RGS20: variants seen among roughly 807,000 people sequenced by gnomAD.
RGS20 encodes the protein gz-selective GTPase-activating protein.
A neutral mutation model predicts 33.6 loss-of-function variants in RGS20; 30 were observed. That is an observed-to-expected ratio of 0.89 (90% CI 0.67 to 1.21). The LOEUF (loss-of-function observed/expected upper bound fraction) is 1.21, where lower values mean the gene tolerates loss of function less well. Among genes scored for constraint, RGS20 ranks in the 50% most tolerant of loss-of-function variants. RGS20 has a pLI of 0.00. For synonymous variants in RGS20, 208 were observed against 197.9 expected (o/e 1.05, Z -0.43); for missense variants, 472 against 502.4 (o/e 0.94, Z 0.58).
rs779017879 is a variant in RGS20, at chr8:53,958,350, A to G, written c.1059A>G (p.Gln353=). 1.9e-6 allele frequency: 3 copies of G among 1,613,846 alleles called. No homozygotes were observed. Among genetic ancestry groups the G allele is most frequent in the Non-Finnish European group, 2.5e-6 (3 of 1,179,838 alleles). Residue 353 remains glutamine, a synonymous_variant, in exon 6 of 6, where the codon CAA becomes CAG. Coordinates refer to ENST00000297313, the MANE Select transcript of RGS20 (RefSeq NM_170587.4). ...CCCAACACATATTCGATGATGCTCA[A>G]CTTCAGATTTACACCCTGATGCACA... is the stretch of plus-strand genomic sequence containing the variant.
intron 2 of RGS20, among the ~76,000 whole-genome samples, chr8:53,894,765 G>A (rs1812808146): frequency 6.6e-6 from 1 of 152,072 alleles, no homozygotes; most frequent in Non-Finnish European, 1.5e-5. Flanking sequence ...TTAATAAATG[G>A]GATCTCAAAA....
At chr8:53,891,818 T>TTA in intron 2 of RGS20, among the ~76,000 whole-genome samples, 1 of 151,076 alleles carries the variant, frequency 6.6e-6, no homozygotes. Flanking sequence ...AAGAAGTATG[T>TTA]TATAATTTTT....
At chr8:53,902,515 G>T (rs1813058684) in intron 2 of RGS20, among the ~76,000 whole-genome samples, 1 of 152,104 alleles carries the variant, frequency 6.6e-6, no homozygotes, top group East Asian at 1.9e-4. Context: ...GGAGAGTTCT[G>T]GTTGCTCTCT....
At position 53,946,541 on chromosome 8, in the gene RGS20, T is replaced by A. The variant is rs768917290; in HGVS notation, c.660-124T>A. ...GGAAAACTAACTGGGGTCATTTTTT[T>A]TTCCAAGTAGAGGAAGAAATTCTAT... On this transcript the variant is annotated intron_variant, in intron 3 of 5. Transcript: ENST00000297313. 3.5e-6 allele frequency: 3 copies of A among 859,388 alleles called. No individual in the cohort carries two copies. In the Middle Eastern group the frequency reaches 7.1e-4, roughly 203 times the overall value. 53.2% of individuals were successfully genotyped at this position (859,388 alleles called of 1,614,324 possible).
chr8:53,868,898 A>G (rs1563344728), intron 1 of RGS20, among the ~76,000 whole-genome samples: 1 of 152,086 alleles, frequency 6.6e-6, no homozygotes, highest in Non-Finnish European at 1.5e-5. Context: ...GATTACAGGT[A>G]CGCACCACCA....
chr8:53,873,770 GA>G (rs1036123625), intron 1 of RGS20, among the ~76,000 whole-genome samples: 12 of 152,020 alleles, frequency 7.9e-5, no homozygotes, highest in Admixed American at 2.6e-4. Flanking sequence ...AAGTGCTATA[GA>G]AAAAAAACTG....
chr8:53,877,658 A>C lies in RGS20; in HGVS notation c.166-1600A>C, dbSNP rs969268434. Among the ~76,000 whole-genome samples the C allele has an allele frequency of 6.6e-6, 1 of 152,248 alleles. No individual in the cohort carries two copies. Among genetic ancestry groups the C allele is most frequent in the Non-Finnish European group, 1.5e-5 (1 of 68,042 alleles). On this transcript the variant is annotated intron_variant, in intron 1 of 5. Transcript: ENST00000297313. The surrounding 1 kb of genome is among the most constrained non-coding windows in gnomAD (Gnocchi z 5.7). ...TTGCCAGAGAGCGGGGGAGGGGAGCAGCTGAACGAGGAGAATGAAAATACT... is the reference window on the plus strand; with the variant it reads ...TTGCCAGAGAGCGGGGGAGGGGAGCCGCTGAACGAGGAGAATGAAAATACT...
chr8:53,941,973 C>T (rs1319576070), intron 3 of RGS20, among the ~76,000 whole-genome samples: 1 of 151,956 alleles, frequency 6.6e-6, no homozygotes, highest in Non-Finnish European at 1.5e-5. Flanking sequence ...AAATCAATTC[C>T]CACCTTAAAA....
intron 2 of RGS20, among the ~76,000 whole-genome samples, chr8:53,916,772 T>C (rs973246606): frequency 6.6e-6 from 1 of 152,136 alleles, no homozygotes; most frequent in African/African-American, 2.4e-5. Context: ...ACGACCAAAT[T>C]TGTTTCTCAC....
chr8:53,864,897 A>G (rs1418526676), intron 1 of RGS20, among the ~76,000 whole-genome samples: 1 of 152,188 alleles, frequency 6.6e-6, no homozygotes, highest in East Asian at 1.9e-4. Context: ...GGCAGTGCCA[A>G]CCTCCAACTT....
chr8:53,947,677 TAC>T (rs1814551527), intron 4 of RGS20, among the ~76,000 whole-genome samples: 3 of 92,654 alleles, frequency 3.2e-5, no homozygotes, highest in South Asian at 4.1e-4. Flanking sequence ...TAGGATATAG[TAC>T]ATACATTTAT....
chr8:53,944,266 G>A (rs1477267124), intron 3 of RGS20, among the ~76,000 whole-genome samples: 3 of 152,248 alleles, frequency 2.0e-5, no homozygotes, highest in Non-Finnish European at 4.4e-5. Flanking sequence ...TTGGCCAGGC[G>A]CGATGGCTCA....
Position 53,954,173 on chromosome 8 carries a change from CG to C in RGS20, c.842del (p.Arg281GlnfsTer18). On this transcript the variant is annotated frameshift_variant, in exon 5 of 6. Transcript: ENST00000297313. LOFTEE classifies it high-confidence loss of function. ...AAGGAATGCATTCCGTGAATTCCTC[CG>C]AACAGAATTCAGTGAGGAAAATATG... is the stretch of plus-strand genomic sequence containing the variant. 1 of 1,613,660 alleles carries C rather than the reference CG, an allele frequency of 6.2e-7. No individual in the cohort carries two copies. The highest frequency in any genetic ancestry group is 8.5e-7 in the Non-Finnish European group (1 of 1,179,678).
In RGS20 at chr8:53,885,790, CTTTTTTTTTTT is replaced by C. The variant is rs1172257852; in HGVS notation, c.510+6200_510+6210del. ...TGAACTGGATACTGAGTATCTTACT[CTTTTTTTTTTT>C]TTTTTTTTTTTGACTCCAAGAAACC... On this transcript the variant is annotated intron_variant, in intron 2 of 5. Coordinates refer to ENST00000297313, the MANE Select transcript of RGS20 (RefSeq NM_170587.4). Among the ~76,000 whole-genome samples, 4 of 112,744 alleles carry C rather than the reference CTTTTTTTTTTT, an allele frequency of 3.5e-5. No individual in the cohort carries two copies. The Admixed American group carries it at 3.8e-4, about 11-fold the overall frequency. 74.0% of individuals were successfully genotyped at this position (112,744 alleles called of 152,430 possible). A position where few individuals can be genotyped will look rare whatever the true frequency, so the allele number is the denominator to read the frequency against.
At chr8:53,876,195 T>A (rs1812203771) in intron 1 of RGS20, 1 of 152,254 alleles carries the variant, frequency 6.6e-6, no homozygotes, top group African/African-American at 2.4e-5. Context: ...CAGAAATTTT[T>A]GGTACAGGAG....
intron 2 of RGS20, among the ~76,000 whole-genome samples, chr8:53,880,509 C>G (rs1267750205): frequency 6.6e-6 from 1 of 152,132 alleles, no homozygotes; most frequent in Admixed American, 6.5e-5. Context: ...CTCTGGGGAC[C>G]AAGCGCCCCC....
intron 2 of RGS20, among the ~76,000 whole-genome samples, chr8:53,938,699 A>C (rs1162482513): frequency 3.3e-5 from 5 of 152,176 alleles, no homozygotes; most frequent in African/African-American, 1.2e-4. Context: ...TGTGTCCTTG[A>C]TATTAGCTTG....
intron 4 of RGS20, among the ~76,000 whole-genome samples, chr8:53,950,770 A>G (rs942408826): frequency 3.3e-5 from 5 of 151,988 alleles, no homozygotes; most frequent in African/African-American, 1.2e-4. Flanking sequence ...ATGGGCCACC[A>G]CACTTGGCTA....
At chr8:53,899,262 G>A (rs1355846813) in intron 2 of RGS20, among the ~76,000 whole-genome samples, 1 of 152,040 alleles carries the variant, frequency 6.6e-6, no homozygotes, top group African/African-American at 2.4e-5. Flanking sequence ...AGGTGTCTCA[G>A]GTTTAAGTCA....
Sources: gnomAD v4.1 joint callset for allele counts (sites outside exome capture counted in the v4.1 genomes callset) on GRCh38, gnomAD v4.1.1 for gene constraint, Gnocchi (gnomAD v3.1) non-coding constraint, MANE v1.5 for transcripts, NCBI Gene and HGNC (gene_info 2026-07-23, HGNC 2026-07-21) for gene names.